Variants in KLHL1 observed in about 807,000 individuals in gnomAD.
KLHL1 encodes the protein kelch-like protein 1.
KLHL1 carries 47 observed loss-of-function variants against 77.7 expected under a neutral mutation model. That is an observed-to-expected ratio of 0.60 (90% CI 0.48 to 0.77). KLHL1 has a LOEUF of 0.77. Ranked by LOEUF, KLHL1 falls within the 30% of genes least tolerant of loss-of-function variation. The pLI is 0.00. For synonymous variants in KLHL1, 360 were observed against 325.2 expected, an observed-to-expected ratio of 1.11 and a Z score of -1.15; for missense variants, 925 against 910.8, an observed-to-expected ratio of 1.02 and a Z score of -0.20.
At chr13:70,044,924 A>G (rs529140004) in intron 1 of KLHL1, among the ~76,000 whole-genome samples, 172 of 152,308 alleles carry the variant, frequency 1.1e-3, no homozygotes, top group African/African-American at 4.0e-3. Flanking sequence ...TCCAGTATTG[A>G]CTATGACTCA....
intron 6 of KLHL1, among the ~76,000 whole-genome samples, chr13:69,830,809 G>A (rs560656074): frequency 1.3e-5 from 2 of 149,976 alleles, no homozygotes. Flanking sequence ...TCAAAATCAT[G>A]CACATAGATG....
At chr13:69,706,270 T>C (rs914215110) in intron 10 of KLHL1, among the ~76,000 whole-genome samples, 1 of 151,860 alleles carries the variant, frequency 6.6e-6, no homozygotes, top group African/African-American at 2.4e-5. Context: ...CTCTACTCCT[T>C]CTTTTTACTT....
chr13:69,882,853 T>G (rs1311982692), intron 4 of KLHL1, among the ~76,000 whole-genome samples: 3 of 152,164 alleles, frequency 2.0e-5, no homozygotes, highest in African/African-American at 7.2e-5. Context: ...TGACTATATA[T>G]GTAGACATAT....
intron 3 of KLHL1, among the ~76,000 whole-genome samples, chr13:69,948,311 A>G (rs7338117): frequency 0.13 from 19,462 of 152,012 alleles, 1,941 homozygotes; most frequent in East Asian, 0.29. Flanking sequence ...TATCTCTTAC[A>G]TCAGTGAAGA....
chr13:69,791,186 T>TA lies in KLHL1; in HGVS notation c.1639+5551dup, dbSNP rs544679711. ...AAACTGTATTTCTATACGCTAGCAATAAAAAATCTGAAAATGAGATGAAGA... is the reference window on the plus strand; with the variant it reads ...AAACTGTATTTCTATACGCTAGCAATAAAAAAATCTGAAAATGAGATGAAGA... On this transcript the variant is annotated intron_variant, in intron 7 of 10. Transcript: ENST00000377844. 6.1e-3 allele frequency among the ~76,000 whole-genome samples: 930 copies of TA among 152,004 alleles called. 6 individuals carry two copies. Among genetic ancestry groups the TA allele is most frequent in the Non-Finnish European group, 9.8e-3 (668 of 67,978 alleles).
intron 1 of KLHL1, among the ~76,000 whole-genome samples, chr13:70,036,795 T>A (rs1262564798): frequency 1.3e-5 from 2 of 151,490 alleles, no homozygotes; most frequent in Non-Finnish European, 3.0e-5. Context: ...TTTACGTTTT[T>A]CTTTCTAGCC....
chr13:70,051,132 C>T lies in KLHL1; in HGVS notation c.497+56071G>A, dbSNP rs77644863. ...GTGTGGGGTGCAAAGTTAGATTACT[C>T]TACAAAATATTCATTAAGAAATGTT... is the stretch of plus-strand genomic sequence containing the variant. On this transcript the variant is annotated intron_variant, in intron 1 of 10. Coordinates refer to ENST00000377844, the MANE Select transcript of KLHL1 (RefSeq NM_020866.3). Among the ~76,000 whole-genome samples the T allele has an allele frequency of 6.5e-3, 990 of 152,042 alleles. 9 individuals are homozygous for T. The highest frequency in any genetic ancestry group is 0.027 in the Middle Eastern group (8 of 294).
intron 7 of KLHL1, among the ~76,000 whole-genome samples, chr13:69,786,309 T>G (rs1876543010): frequency 6.6e-6 from 1 of 152,164 alleles, no homozygotes; most frequent in South Asian, 2.1e-4. Flanking sequence ...TTATCCACCA[T>G]GATCAAGTGG....
intron 1 of KLHL1, among the ~76,000 whole-genome samples, chr13:70,098,727 T>C (rs1225484995): frequency 6.6e-6 from 1 of 151,742 alleles, no homozygotes; most frequent in Non-Finnish European, 1.5e-5. Context: ...ATATAAGAAA[T>C]GGAATTAAAG....
intron 3 of KLHL1, among the ~76,000 whole-genome samples, chr13:69,957,231 C>T (rs964071163): frequency 1.3e-5 from 2 of 151,700 alleles, no homozygotes; most frequent in African/African-American, 2.4e-5. Flanking sequence ...CACATCTAAA[C>T]TGAGAATGCC....
chr13:69,897,644 G>C (rs1320055114), intron 4 of KLHL1, among the ~76,000 whole-genome samples: 4 of 152,138 alleles, frequency 2.6e-5, no homozygotes, highest in Non-Finnish European at 5.9e-5. Flanking sequence ...AAGAGGAGGG[G>C]AAAGGCAGGC....
chr13:69,784,169 G>A (rs1455486606), intron 7 of KLHL1, among the ~76,000 whole-genome samples: 1 of 152,068 alleles, frequency 6.6e-6, no homozygotes, highest in African/African-American at 2.4e-5. Context: ...TGCCCTACAA[G>A]AGCTCCTGAA....
At chr13:69,792,991 T>G (rs1876935506) in intron 7 of KLHL1, among the ~76,000 whole-genome samples, 1 of 151,854 alleles carries the variant, frequency 6.6e-6, no homozygotes, top group African/African-American at 2.4e-5. Flanking sequence ...TCAAACACAC[T>G]GATTTCTGTA....
At chr13:69,755,043 T>C (rs1874646581) in intron 7 of KLHL1, among the ~76,000 whole-genome samples, 1 of 152,122 alleles carries the variant, frequency 6.6e-6, no homozygotes, top group Admixed American at 6.6e-5. Flanking sequence ...TGGATATTTA[T>C]GTCCTCCAAA....
Position 69,988,088 on chromosome 13 carries a change from T to TGG in KLHL1, c.498-12287_498-12286insCC, listed in dbSNP as rs1566475996. ...AAGCATAATACTAAATAGCTTTTTT[T>TGG]TGGCGGGGGGAACCTCTCCTTCCTC... is the stretch of plus-strand genomic sequence containing the variant. On this transcript the variant is annotated intron_variant, in intron 1 of 10. Coordinates refer to ENST00000377844, the MANE Select transcript of KLHL1 (RefSeq NM_020866.3). Among the ~76,000 whole-genome samples, 66 of 151,888 alleles carry TGG rather than the reference T, an allele frequency of 4.3e-4. 1 individual carries two copies. The highest frequency in any genetic ancestry group is 1.5e-3 in the African/African-American group (62 of 41,318).
At chr13:69,722,860 G>A (rs763600518) in intron 8 of KLHL1, among the ~76,000 whole-genome samples, 3 of 151,942 alleles carry the variant, frequency 2.0e-5, no homozygotes, top group African/African-American at 4.8e-5. Context: ...AAGAGAAACA[G>A]CTGCACTTCC....
At chr13:69,775,313 T>G (rs142347563) in intron 7 of KLHL1, among the ~76,000 whole-genome samples, 1 of 152,236 alleles carries the variant, frequency 6.6e-6, no homozygotes, top group East Asian at 1.9e-4. Context: ...GACTCAAATG[T>G]CTAAACATTT....
At chr13:69,985,401 A>G (rs1259926904) in intron 1 of KLHL1, among the ~76,000 whole-genome samples, 1 of 152,134 alleles carries the variant, frequency 6.6e-6, no homozygotes, top group Admixed American at 6.6e-5. Context: ...GCTCAACTTC[A>G]TTAATCATCA....
At chr13:70,075,553 C>G (rs1566554474) in intron 1 of KLHL1, among the ~76,000 whole-genome samples, 1 of 16,616 alleles carries the variant, frequency 6.0e-5, no homozygotes, top group Non-Finnish European at 1.3e-4. Context: ...ATATATATAC[C>G]TGTGTGTGTG....
Sources: gnomAD v4.1 joint callset for allele counts (sites outside exome capture counted in the v4.1 genomes callset) on GRCh38, gnomAD v4.1.1 for gene constraint, MANE v1.5 for transcripts, NCBI Gene and HGNC (gene_info 2026-07-23, HGNC 2026-07-21) for gene names.